AMPH: variants seen among roughly 807,000 people sequenced by gnomAD.
AMPH encodes amphiphysin (Stiff-Mann syndrome with breast cancer 128kD autoantigen).
In AMPH, 49 loss-of-function variants were observed where a neutral mutation model predicts 99.1. The observed-to-expected ratio is 0.49, with a 90% CI of 0.39 to 0.63. The LOEUF is 0.63. AMPH is among the 20% of genes least tolerant of loss of function. The pLI, the probability that AMPH is intolerant of heterozygous loss-of-function variation, is 0.00. For missense variants in AMPH, 759 were observed against 863.4 expected (o/e 0.88, Z 1.52); for synonymous variants, 314 against 317.3 (o/e 0.99, Z 0.11).
At chr7:38,544,358 G>C (rs1485422725) in intron 1 of AMPH, among the ~76,000 whole-genome samples, 1 of 152,178 alleles carries the variant, frequency 6.6e-6, no homozygotes, top group Non-Finnish European at 1.5e-5. Flanking sequence ...TCCCCTCCTT[G>C]TAAGAATATT....
At chr7:38,396,229 G>C (rs1410882373) in intron 17 of AMPH, among the ~76,000 whole-genome samples, 1 of 152,162 alleles carries the variant, frequency 6.6e-6, no homozygotes, top group Non-Finnish European at 1.5e-5. Flanking sequence ...TGTTGTGGGA[G>C]GGACTTGGTG....
chr7:38,454,860 A>G (rs368145218), intron 11 of AMPH, among the ~76,000 whole-genome samples: 7 of 152,376 alleles, frequency 4.6e-5, no homozygotes, highest in Admixed American at 3.3e-4. Flanking sequence ...ACCAACTGAG[A>G]GAATACTATG....
chr7:38,587,146 A>G (rs1421126346), intron 1 of AMPH, among the ~76,000 whole-genome samples: 1 of 152,316 alleles, frequency 6.6e-6, no homozygotes, highest in Non-Finnish European at 1.5e-5. Flanking sequence ...CACCAATTTT[A>G]TAACTTTTTT....
At chr7:38,402,377 G>A (rs1489187695) in intron 17 of AMPH, among the ~76,000 whole-genome samples, 1 of 152,056 alleles carries the variant, frequency 6.6e-6, no homozygotes, top group Non-Finnish European at 1.5e-5. Flanking sequence ...TTTTTCTTTT[G>A]TATTGCTCTA....
chr7:38,631,324 C>A lies in AMPH; in HGVS notation c.28G>T (p.Ala10Ser), dbSNP rs749611316. The A allele has an allele frequency of 1.9e-6, 3 of 1,552,154 alleles. No homozygotes were observed. The highest frequency in any genetic ancestry group is 2.4e-5 in the South Asian group (2 of 83,760). The change falls in exon 1 of 21, where the codon GCC becomes TCC. Residue 10 changes from alanine (A) to serine (S), a missense_variant. Physicochemically the swap from Ala to Ser is moderately conservative, Grantham distance 99 (BLOSUM62 1). This residue lies in a region of AMPH where 205 missense variants were observed against 287.9 expected (regional missense o/e 0.71). Coordinates refer to ENST00000356264, the MANE Select transcript of AMPH (RefSeq NM_001635.4). MADIKTGIF[A>S]KNVQKRLNRA... ...TTGAGTCGCTTCTGGACGTTCTTGG[C>A]GAAGATGCCCGTCTTGATGTCGGCC...
intron 1 of AMPH, among the ~76,000 whole-genome samples, chr7:38,544,772 C>G (rs1790933590): frequency 6.6e-6 from 1 of 152,174 alleles, no homozygotes; most frequent in South Asian, 2.1e-4. Context: ...AGAACACAAG[C>G]AAAAGCTCCT....
chr7:38,532,546 A>G (rs1790444209), intron 2 of AMPH, among the ~76,000 whole-genome samples: 1 of 152,204 alleles, frequency 6.6e-6, no homozygotes, highest in Non-Finnish European at 1.5e-5. Context: ...ACTATGCCCC[A>G]TAACATTTGA....
intron 1 of AMPH, among the ~76,000 whole-genome samples, chr7:38,607,203 A>C (rs958484279): frequency 6.6e-6 from 1 of 152,170 alleles, no homozygotes; most frequent in African/African-American, 2.4e-5. Context: ...CATTCAGAGA[A>C]ATGCCCTAAA....
rs546183262 is a variant in AMPH, at chr7:38,597,120, T to C, written c.69+34163A>G. ...GACTATCAAAAAGCACACATAGTTCTTGTCAACCATTAAAGTAAACTAAAA... is the reference window on the plus strand; with the variant it reads ...GACTATCAAAAAGCACACATAGTTCCTGTCAACCATTAAAGTAAACTAAAA... On this transcript the variant is annotated intron_variant, in intron 1 of 20. Coordinates refer to ENST00000356264, the MANE Select transcript of AMPH (RefSeq NM_001635.4). Among the ~76,000 whole-genome samples the C allele has an allele frequency of 2.6e-5, 4 of 152,314 alleles. No homozygotes were observed. In the South Asian group the frequency reaches 8.3e-4, roughly 32 times the overall value.
intron 1 of AMPH, among the ~76,000 whole-genome samples, chr7:38,619,977 G>A (rs1793996667): frequency 6.6e-6 from 1 of 152,084 alleles, no homozygotes; most frequent in Non-Finnish European, 1.5e-5. Flanking sequence ...AAAGGTATTA[G>A]ACTGTTCTTC....
chr7:38,554,816 G>A (rs926889376), intron 1 of AMPH, among the ~76,000 whole-genome samples: 1 of 152,170 alleles, frequency 6.6e-6, no homozygotes, highest in African/African-American at 2.4e-5. Flanking sequence ...GCACTGGTGG[G>A]ACCAATCAGA....
intron 4 of AMPH, among the ~76,000 whole-genome samples, chr7:38,492,867 A>T (rs1272762087): frequency 6.6e-6 from 1 of 152,194 alleles, no homozygotes; most frequent in Non-Finnish European, 1.5e-5. Context: ...TTTGTGATGA[A>T]TTTTTAGTTA....
At chr7:38,604,980 T>C (rs905826365) in intron 1 of AMPH, among the ~76,000 whole-genome samples, 1 of 152,194 alleles carries the variant, frequency 6.6e-6, no homozygotes, top group Non-Finnish European at 1.5e-5. Flanking sequence ...TAACAGGTGA[T>C]TCATTTGGAA....
intron 7 of AMPH, among the ~76,000 whole-genome samples, chr7:38,468,368 C>T (rs4723759): frequency 0.35 from 52,390 of 151,808 alleles, 9,652 homozygotes; most frequent in East Asian, 0.54. Flanking sequence ...TGTAATGGCA[C>T]TTCTATTAAA....
At chr7:38,425,998 G>A (rs1271978097) in intron 15 of AMPH, among the ~76,000 whole-genome samples, 4 of 152,188 alleles carry the variant, frequency 2.6e-5, no homozygotes, top group Non-Finnish European at 5.9e-5. Flanking sequence ...TGGAAGAGAT[G>A]CATTAACGTC....
At chr7:38,535,119 C>G in intron 1 of AMPH, 108 bp from the exon 2 acceptor site, 2 of 869,952 alleles carry the variant, frequency 2.3e-6, no homozygotes, top group Non-Finnish European at 3.6e-6. Flanking sequence ...AGGAGTAGAG[C>G]AAAACTATCA....
chr7:38,476,676 T>C (rs953556416), intron 6 of AMPH, among the ~76,000 whole-genome samples, 186 bp downstream of exon 6: 4 of 152,186 alleles, frequency 2.6e-5, no homozygotes, highest in African/African-American at 7.2e-5. Flanking sequence ...GTATCCCCCA[T>C]ATGAACTGTA....
chr7:38,611,444 A>C (rs1793676094), intron 1 of AMPH, among the ~76,000 whole-genome samples: 2 of 152,236 alleles, frequency 1.3e-5, no homozygotes, highest in African/African-American at 4.8e-5. Flanking sequence ...TTTGTTAAGA[A>C]GGCAAATCTC....
chr7:38,505,914 AC>A (rs1562796461), intron 2 of AMPH, among the ~76,000 whole-genome samples: 2 of 152,156 alleles, frequency 1.3e-5, no homozygotes, highest in Non-Finnish European at 2.9e-5. Context: ...GCAACTCCCT[AC>A]CAGATCTGTC....
Sources: gnomAD v4.1 joint callset for allele counts (sites outside exome capture counted in the v4.1 genomes callset) on GRCh38, gnomAD v4.1.1 for gene constraint, gnomAD v4.1.1 regional missense constraint, MANE v1.5 for transcripts, NCBI Gene and HGNC (gene_info 2026-07-23, HGNC 2026-07-21) for gene names.